The following NAALADL2 variants were observed in gnomAD, a reference collection of about 807,000 sequenced individuals.
The protein encoded by NAALADL2 is inactive N-acetylated-alpha-linked acidic dipeptidase-like protein 2.
Under a neutral mutation model 87.2 loss-of-function variants are expected in NAALADL2, and 76 were observed. The observed-to-expected ratio is 0.87, with a 90% CI of 0.72 to 1.05. NAALADL2 has a LOEUF of 1.05. Among genes scored for constraint, NAALADL2 ranks in the 50% least tolerant of loss-of-function variants. NAALADL2 has a pLI of 0.00. For synonymous variants in NAALADL2, 354 were observed against 331.0 expected, an observed-to-expected ratio of 1.07 and a Z score of -0.75; for missense variants, 1,089 against 945.8, an observed-to-expected ratio of 1.15 and a Z score of -1.99.
intron 6 of NAALADL2, among the ~76,000 whole-genome samples, chr3:175,449,140 A>G (rs1478321720): frequency 6.6e-6 from 1 of 151,890 alleles, no homozygotes; most frequent in African/African-American, 2.4e-5. Flanking sequence ...GTGCAGTGGC[A>G]TGGTCATGGT....
intron 11 of NAALADL2, among the ~76,000 whole-genome samples, chr3:175,674,361 G>T (rs935342842): frequency 6.6e-6 from 1 of 151,618 alleles, no homozygotes; most frequent in African/African-American, 2.4e-5. Flanking sequence ...CCGGGTTCGC[G>T]CCATTCTCCT....
intron 10 of NAALADL2, among the ~76,000 whole-genome samples, chr3:175,624,701 A>G (rs567216568): frequency 1.4e-4 from 22 of 152,178 alleles, no homozygotes; most frequent in African/African-American, 5.1e-4. Context: ...GGCAAAAGAT[A>G]TCAGAGATTA....
intron 3 of NAALADL2, among the ~76,000 whole-genome samples, chr3:174,755,598 A>G (rs1308651939): frequency 6.6e-6 from 1 of 152,226 alleles, no homozygotes; most frequent in East Asian, 1.9e-4. Flanking sequence ...GCATATTGCC[A>G]AAGAACTTCA....
Position 175,806,102 on chromosome 3 carries a change from A to T in NAALADL2, c.*2899A>T, listed in dbSNP as rs1328169463. On this transcript the variant is annotated 3_prime_UTR_variant, in exon 14 of 14. Coordinates refer to ENST00000454872, the MANE Select transcript of NAALADL2 (RefSeq NM_207015.3). ...GACAGGGTTATAAATGATCTTTTCCAGTGCATTCGATGTAACCAGCCATTC... is the reference window on the plus strand; with the variant it reads ...GACAGGGTTATAAATGATCTTTTCCTGTGCATTCGATGTAACCAGCCATTC... The T allele has an allele frequency of 1.3e-5, 2 of 151,946 alleles. No homozygotes were observed. Among genetic ancestry groups the T allele is most frequent in the Non-Finnish European group, 2.9e-5 (2 of 67,900 alleles). 9.4% of individuals were successfully genotyped at this position (151,946 alleles called of 1,614,324 possible). A position where few individuals can be genotyped will look rare whatever the true frequency, so the allele number is the denominator to read the frequency against.
intron 11 of NAALADL2, among the ~76,000 whole-genome samples, chr3:175,679,764 C>T (rs1383640706): frequency 1.3e-5 from 2 of 152,092 alleles, no homozygotes; most frequent in Non-Finnish European, 2.9e-5. Context: ...TGAAAGAAGG[C>T]TATATTTGCT....
At chr3:175,314,695 T>TATATAGTTCTAA (rs1758884721) in intron 4 of NAALADL2, among the ~76,000 whole-genome samples, 2 of 71,648 alleles carry the variant, frequency 2.8e-5, no homozygotes, top group African/African-American at 5.9e-5. Context: ...TATATATATA[T>TATATAGTTCTAA]ATATATATAT....
chr3:175,337,609 T>C (rs984779635), intron 5 of NAALADL2, among the ~76,000 whole-genome samples: 5 of 152,166 alleles, frequency 3.3e-5, no homozygotes, highest in African/African-American at 4.8e-5. Context: ...TACCTTCATC[T>C]TGAACTTATA....
chr3:174,907,673 AGTT>A (rs2108285117), intron 1 of NAALADL2, among the ~76,000 whole-genome samples: 1 of 152,240 alleles, frequency 6.6e-6, no homozygotes, highest in African/African-American at 2.4e-5. Context: ...GACATCACAA[AGTT>A]GTTGTACTAC....
chr3:174,776,631 A>G (rs561420358), intron 3 of NAALADL2, among the ~76,000 whole-genome samples: 7 of 152,182 alleles, frequency 4.6e-5, no homozygotes, highest in South Asian at 4.1e-4. Context: ...TTGTAATGAT[A>G]CATTATAACT....
intron 9 of NAALADL2, among the ~76,000 whole-genome samples, chr3:175,572,083 A>G (rs1377828171): frequency 6.6e-6 from 1 of 152,106 alleles, no homozygotes; most frequent in Non-Finnish European, 1.5e-5. Context: ...TGCAAGGCCA[A>G]CAGAGAAACT....
intron 13 of NAALADL2, among the ~76,000 whole-genome samples, chr3:175,798,688 C>T (rs1395816427): frequency 2.0e-5 from 3 of 151,892 alleles, no homozygotes; most frequent in African/African-American, 7.3e-5. Flanking sequence ...TGTTTTAGAC[C>T]TGAACATTTT....
At chr3:175,641,077 G>A (rs1201675764) in intron 11 of NAALADL2, among the ~76,000 whole-genome samples, 1 of 152,066 alleles carries the variant, frequency 6.6e-6, no homozygotes, top group African/African-American at 2.4e-5. Context: ...GTTCAAATAT[G>A]ACCCTTTTCT....
intron 11 of NAALADL2, among the ~76,000 whole-genome samples, chr3:175,656,897 T>C (rs1204808758): frequency 2.0e-5 from 3 of 152,174 alleles, no homozygotes; most frequent in Admixed American, 6.5e-5. Flanking sequence ...CTTGAATGAA[T>C]ACATCTTGCC....
intron 1 of NAALADL2, among the ~76,000 whole-genome samples, chr3:175,016,185 AT>A (rs1750781095): frequency 6.7e-6 from 1 of 150,138 alleles, no homozygotes; most frequent in Non-Finnish European, 1.5e-5. Context: ...TTTTCCACTC[AT>A]TCTTTCATTT....
chr3:175,423,224 CTT>C (rs537789903), intron 5 of NAALADL2, among the ~76,000 whole-genome samples: 1 of 122,134 alleles, frequency 8.2e-6, no homozygotes, highest in Admixed American at 8.2e-5. Flanking sequence ...TTTTTTTTTT[CTT>C]TTTTTTTTTT....
intron 4 of NAALADL2, among the ~76,000 whole-genome samples, chr3:175,312,364 T>C (rs898299582): frequency 6.6e-6 from 1 of 152,188 alleles, no homozygotes; most frequent in South Asian, 2.1e-4. Context: ...ACTATACGTA[T>C]GAAATTTTAA....
At chr3:175,602,776 A>G (rs759749578) in intron 10 of NAALADL2, among the ~76,000 whole-genome samples, 12 of 152,216 alleles carry the variant, frequency 7.9e-5, no homozygotes, top group African/African-American at 2.4e-4. Context: ...ACTAAAGCCA[A>G]TTATGAAGAG....
intron 11 of NAALADL2, among the ~76,000 whole-genome samples, chr3:175,684,897 G>T (rs949893518): frequency 1.3e-5 from 2 of 152,126 alleles, no homozygotes; most frequent in Non-Finnish European, 2.9e-5. Context: ...TTTATTTCCT[G>T]TACTACACTA....
At chr3:175,157,367 C>A (rs542679542) in intron 2 of NAALADL2, among the ~76,000 whole-genome samples, 1 of 152,006 alleles carries the variant, frequency 6.6e-6, no homozygotes, top group African/African-American at 2.4e-5. Context: ...TCTTTCAATT[C>A]TCAAAACATC....
Sources: gnomAD v4.1 joint callset for allele counts (sites outside exome capture counted in the v4.1 genomes callset) on GRCh38, gnomAD v4.1.1 for gene constraint, MANE v1.5 for transcripts, NCBI Gene and HGNC (gene_info 2026-07-23, HGNC 2026-07-21) for gene names.